ATOSA: variants seen among roughly 807,000 people sequenced by gnomAD.
The protein encoded by ATOSA is atos homolog protein A.
the ATOSA span, among the ~76,000 whole-genome samples, chr15:52,694,478 T>G: frequency 6.6e-6 from 1 of 152,120 alleles, no homozygotes; most frequent in Admixed American, 6.6e-5. Context: ...TGAGTATATT[T>G]TAATATATGA....
the ATOSA span, among the ~76,000 whole-genome samples, chr15:52,618,753 T>C: frequency 9.2e-5 from 14 of 152,138 alleles, no homozygotes; most frequent in African/African-American, 3.4e-4. Flanking sequence ...GGCGTGATCA[T>C]AGCTCACTTT....
the ATOSA span, chr15:52,610,174 G>C: frequency 2.5e-6 from 4 of 1,613,978 alleles, no homozygotes; most frequent in East Asian, 8.9e-5. Flanking sequence ...GTGCTGATGA[G>C]TTTTAAGTTT....
At chr15:52,609,757 G>C in the ATOSA span, 1 of 1,613,606 alleles carries the variant, frequency 6.2e-7, no homozygotes. Context: ...TGAAGTGCTT[G>C]GATCACAATG....
the ATOSA span, among the ~76,000 whole-genome samples, chr15:52,628,915 C>A: frequency 1.3e-5 from 2 of 152,122 alleles, no homozygotes; most frequent in Non-Finnish European, 2.9e-5. Context: ...ATTTTCTAGA[C>A]CACAAAAATC....
the ATOSA span, among the ~76,000 whole-genome samples, chr15:52,625,881 A>C: frequency 6.6e-6 from 1 of 152,184 alleles, no homozygotes. Flanking sequence ...TCAACTCTGA[A>C]GTCTGTCAAC....
the ATOSA span, chr15:52,657,293 G>C: frequency 6.6e-6 from 1 of 152,118 alleles, no homozygotes; most frequent in Non-Finnish European, 1.5e-5. Flanking sequence ...ACAGAAATCT[G>C]GTAGAGTGAC....
the ATOSA span, among the ~76,000 whole-genome samples, chr15:52,696,924 G>T: frequency 6.6e-6 from 1 of 151,718 alleles, no homozygotes; most frequent in African/African-American, 2.4e-5. Flanking sequence ...TAGCCAAAGG[G>T]GTTCAAGGCC....
chr15:52,643,455 CTT>C, the ATOSA span, among the ~76,000 whole-genome samples: 3 of 133,302 alleles, frequency 2.3e-5, no homozygotes, highest in African/African-American at 2.6e-5. Context: ...CCTCACCTGG[CTT>C]TTTTTTTTTT....
chr15:52,617,636 T>C, the ATOSA span, among the ~76,000 whole-genome samples: 2 of 151,988 alleles, frequency 1.3e-5, no homozygotes, highest in Non-Finnish European at 2.9e-5. Context: ...GTTAATTTTA[T>C]AGCCTTATTT....
At chr15:52,694,124 A>ATG in the ATOSA span, among the ~76,000 whole-genome samples, 7 of 150,472 alleles carry the variant, frequency 4.7e-5, no homozygotes, top group South Asian at 6.3e-4. Context: ...TCAGCTGAGT[A>ATG]TGTGTGTGTG....
chr15:52,598,048 C>G, the ATOSA span, among the ~76,000 whole-genome samples: 4 of 152,030 alleles, frequency 2.6e-5, no homozygotes, highest in African/African-American at 9.7e-5. Context: ...TGCTTGAACC[C>G]AGGAGGCGGA....
chr15:52,672,161 A>AC, the ATOSA span, among the ~76,000 whole-genome samples: 7 of 79,214 alleles, frequency 8.8e-5, no homozygotes, highest in Non-Finnish European at 1.7e-4. Context: ...ACATAGTGAG[A>AC]CCCCATTTCT....
chr15:52,690,015 T>C, the ATOSA span, among the ~76,000 whole-genome samples: 2 of 151,836 alleles, frequency 1.3e-5, no homozygotes, highest in Non-Finnish European at 2.9e-5. Context: ...CCTGTTAAGA[T>C]TTTTTTGTGT....
chr15:52,609,803 G>A, the ATOSA span: 1 of 1,613,258 alleles, frequency 6.2e-7, no homozygotes, highest in Non-Finnish European at 8.5e-7. Flanking sequence ...ATGATTTCTT[G>A]CCGCTCCTGA....
chr15:52,619,453 T>G, the ATOSA span, among the ~76,000 whole-genome samples: 5 of 152,124 alleles, frequency 3.3e-5, no homozygotes, highest in African/African-American at 1.2e-4. Flanking sequence ...TTAGAGCATC[T>G]GAAAAAGTCT....
At chr15:52,609,780 G>A in the ATOSA span, 1,104,936 of 1,612,452 alleles carry the variant, frequency 0.69, 394,885 homozygotes, top group Non-Finnish European at 0.74. Flanking sequence ...TCAAATGTTG[G>A]GCAATTCTTG....
the ATOSA span, among the ~76,000 whole-genome samples, chr15:52,584,186 C>T: frequency 5.4e-5 from 8 of 149,350 alleles, no homozygotes; most frequent in African/African-American, 2.0e-4. Flanking sequence ...TTCTTGTCAC[C>T]CAGGCTGGAG....
the ATOSA span, chr15:52,609,659 C>T: frequency 6.2e-7 from 1 of 1,613,496 alleles, no homozygotes; most frequent in Non-Finnish European, 8.5e-7. Flanking sequence ...TTACCTTTTC[C>T]CACGTTCTCA....
At chr15:52,640,801 T>C in the ATOSA span, among the ~76,000 whole-genome samples, 1 of 152,062 alleles carries the variant, frequency 6.6e-6, no homozygotes, top group African/African-American at 2.4e-5. Context: ...TAATTATACA[T>C]ACTTATGGGG....
Sources: gnomAD v4.1 joint callset for allele counts (sites outside exome capture counted in the v4.1 genomes callset) on GRCh38, gnomAD v4.1.1 for gene constraint, MANE v1.5 for transcripts, NCBI Gene and HGNC (gene_info 2026-07-23, HGNC 2026-07-21) for gene names.